The following INSC variants were observed in gnomAD, a reference collection of about 807,000 sequenced individuals.
INSC encodes the protein protein inscuteable homolog.
A neutral mutation model predicts 58.6 loss-of-function variants in INSC; 67 were observed. The observed-to-expected ratio is 1.14, with a 90% CI of 0.94 to 1.40. The LOEUF (loss-of-function observed/expected upper bound fraction) is 1.40, where lower values mean the gene tolerates loss of function less well. Ranked by LOEUF, INSC falls within the 40% of genes most tolerant of loss-of-function variation. The pLI, the probability that INSC is intolerant of heterozygous loss-of-function variation, is 0.00. For missense variants in INSC, 714 were observed against 692.0 expected (o/e 1.03, Z -0.36); for synonymous variants, 262 against 276.1 (o/e 0.95, Z 0.51).
At chr11:15,147,714 A>G (rs562816112) in intron 1 of INSC, among the ~76,000 whole-genome samples, 2 of 152,310 alleles carry the variant, frequency 1.3e-5, no homozygotes, top group South Asian at 4.1e-4. Flanking sequence ...TCCACAGACC[A>G]AGAAACAGGC....
At chr11:15,112,594 GTGTGTGT>G (rs1847593695), upstream of INSC, 1 of 111,874 alleles carries the variant, frequency 8.9e-6, no homozygotes, top group Non-Finnish European at 1.2e-5. Context: ...GGATGTGAGT[GTGTGTGT>G]GTGTGTGTGT....
intron 1 of INSC, among the ~76,000 whole-genome samples, chr11:15,129,282 A>G (rs1253805994): frequency 2.0e-5 from 3 of 152,058 alleles, no homozygotes; most frequent in Non-Finnish European, 4.4e-5. Context: ...TCTGTTCTCT[A>G]TGTTTATTCC....
the INSC span, among the ~76,000 whole-genome samples, chr11:15,267,755 T>A: frequency 6.6e-6 from 1 of 151,930 alleles, no homozygotes; most frequent in African/African-American, 2.4e-5. Flanking sequence ...ATTGATGGAG[T>A]TTTCTTATTA....
At chr11:15,256,960 C>T in the INSC span, among the ~76,000 whole-genome samples, 2 of 152,220 alleles carry the variant, frequency 1.3e-5, no homozygotes, top group African/African-American at 4.8e-5. Context: ...ATTCAACTGT[C>T]ATTCCAGGGC....
rs61877974 is a variant in INSC, at chr11:15,168,879, G to A, written c.57-6862G>A. ...TGTGTTGACCTTATGAAAATGTATT[G>A]AACTGTAGCTCAATATTATGATGTG... On this transcript the variant is annotated intron_variant, in intron 2 of 12. Coordinates refer to ENST00000379556, the MANE Select transcript of INSC (RefSeq NM_001042536.3). Among the ~76,000 whole-genome samples the A allele has an allele frequency of 1.8e-3, 275 of 152,214 alleles. 1 individual carries two copies. Among genetic ancestry groups the A allele is most frequent in the Non-Finnish European group, 2.7e-3 (182 of 68,002 alleles).
chr11:15,153,101 C>T (rs772486373), intron 2 of INSC, among the ~76,000 whole-genome samples: 4 of 152,118 alleles, frequency 2.6e-5, no homozygotes, highest in Non-Finnish European at 4.4e-5. Context: ...TGTATGGTGC[C>T]GTGTACTTGA....
intron 5 of INSC, 36 bp downstream of exon 5, chr11:15,178,483 T>A: frequency 6.3e-7 from 1 of 1,596,230 alleles, no homozygotes. Flanking sequence ...GGGGTGCTTG[T>A]GTGGACCCTT....
At chr11:15,119,177 G>A (rs563788446) in intron 1 of INSC, among the ~76,000 whole-genome samples, 1 of 152,214 alleles carries the variant, frequency 6.6e-6, no homozygotes, top group East Asian at 1.9e-4. Flanking sequence ...GGACCTCAAC[G>A]TGATCAGCAT....
Position 15,200,941 on chromosome 11 carries a change from C to A in INSC, c.811C>A (p.Leu271Met). 6.2e-7 allele frequency: 1 copy of A among 1,605,526 alleles called. No homozygotes were observed. Among genetic ancestry groups the A allele is most frequent in the Non-Finnish European group, 8.5e-7 (1 of 1,176,274 alleles). ...ICCVEEGVHQ[L>M]EKVDGVLCLA... is the part of the protein sequence containing the mutation. ...CTGCGTGGAAGAGGGTGTCCACCAG[C>A]TGGAGAAGGTAAGGACAGCTGGCTG... Residue 271 changes from leucine (L) to methionine (M), a missense_variant, in exon 7 of 13, where the codon CTG becomes ATG. By Grantham distance (15) the Leu-to-Met change is conservative. Transcript: ENST00000379556.
chr11:15,243,154 T>A (rs1170094204), intron 12 of INSC, among the ~76,000 whole-genome samples: 2 of 152,206 alleles, frequency 1.3e-5, no homozygotes, highest in Non-Finnish European at 2.9e-5. Context: ...GCTCCCAGTC[T>A]TGGGGGTGTC....
chr11:15,241,500 C>G, intron 12 of INSC: 1 of 689,920 alleles, frequency 1.4e-6, no homozygotes, highest in Non-Finnish European at 2.6e-6. Context: ...TGATAAGTCA[C>G]TCAGTGCTAT....
downstream of INSC, among the ~76,000 whole-genome samples, chr11:15,250,609 A>G (rs891678341): frequency 9.2e-5 from 14 of 152,196 alleles, no homozygotes; most frequent in African/African-American, 3.4e-4. Context: ...TTCACCCTAT[A>G]TGAAGCCATA....
At chr11:15,249,176 G>C (rs1806066163), downstream of INSC, among the ~76,000 whole-genome samples, 1 of 152,170 alleles carries the variant, frequency 6.6e-6, no homozygotes, top group African/African-American at 2.4e-5. Flanking sequence ...TCTGGAACAA[G>C]CCTCTTTAGA....
rs1370504240 is a variant in INSC, at chr11:15,245,314, G to T, written c.1471-598G>T. Among the ~76,000 whole-genome samples, 4 of 152,156 alleles carry T rather than the reference G, an allele frequency of 2.6e-5. No homozygotes were observed. The East Asian group carries it at 7.8e-4, about 30-fold the overall frequency. On this transcript the variant is annotated intron_variant, in intron 12 of 12. Transcript: ENST00000379556. Reference sequence around the variant, plus strand: ...GTAAGAGTATGAGCAAGGAGGAGGGGGTATAGCTCAGAGGTAGAGCATTGG... The same window carrying T: ...GTAAGAGTATGAGCAAGGAGGAGGGTGTATAGCTCAGAGGTAGAGCATTGG...
chr11:15,113,972 G>T (rs543326446), upstream of INSC, among the ~76,000 whole-genome samples: 84 of 152,140 alleles, frequency 5.5e-4, 1 homozygote, highest in African/African-American at 1.8e-3. Context: ...AGAGATTTAG[G>T]TTAGATGTCA....
Position 15,235,682 on chromosome 11 carries a change from G to A in INSC, c.1237+14G>A, listed in dbSNP as rs1180203872. On this transcript the variant is annotated intron_variant, in intron 10 of 12. Transcript: ENST00000379556. ...TTCAGGAAAATGGTATGTCTTTGCAGCATTGTACATGTTATGTGGATTATC... is the reference window on the plus strand; with the variant it reads ...TTCAGGAAAATGGTATGTCTTTGCAACATTGTACATGTTATGTGGATTATC... The A allele has an allele frequency of 4.4e-6, 7 of 1,603,420 alleles. No individual in the cohort carries two copies. The highest frequency in any genetic ancestry group is 2.7e-5 in the African/African-American group (2 of 74,656).
At chr11:15,193,935 C>T (rs528441801) in intron 6 of INSC, among the ~76,000 whole-genome samples, 1 of 141,940 alleles carries the variant, frequency 7.0e-6, no homozygotes, top group Admixed American at 7.4e-5. Context: ...AAACTGATGC[C>T]AACCACATTA....
chr11:15,116,526 T>C (rs1239237970), intron 1 of INSC, among the ~76,000 whole-genome samples: 1 of 152,164 alleles, frequency 6.6e-6, no homozygotes, highest in Non-Finnish European at 1.5e-5. Context: ...GCACACACTA[T>C]ACAGCGCTTG....
chr11:15,134,497 T>C (rs1848196540), intron 1 of INSC, among the ~76,000 whole-genome samples: 1 of 152,218 alleles, frequency 6.6e-6, no homozygotes, highest in South Asian at 2.1e-4. Context: ...ATTTACTCCA[T>C]TCCACCATGA....
Sources: gnomAD v4.1 joint callset for allele counts (sites outside exome capture counted in the v4.1 genomes callset) on GRCh38, gnomAD v4.1.1 for gene constraint, MANE v1.5 for transcripts, NCBI Gene and HGNC (gene_info 2026-07-23, HGNC 2026-07-21) for gene names.